The following SHLD2 variants were observed in gnomAD, a reference collection of about 807,000 sequenced individuals.
SHLD2 encodes shieldin complex subunit 2, also known as RINN1-REV7-interacting novel NHEJ regulator 2.
A neutral mutation model predicts 73.2 loss-of-function variants in SHLD2; 30 were observed. The ratio of observed to expected loss-of-function variants is 0.41; its 90% CI spans 0.31 to 0.56. SHLD2 has a LOEUF of 0.56. Among genes scored for constraint, SHLD2 ranks in the 20% least tolerant of loss-of-function variants. The pLI is 0.28. For missense variants in SHLD2, 745 were observed against 1,055.9 expected (o/e 0.71, Z 4.08); for synonymous variants, 285 against 370.1 (o/e 0.77, Z 2.64).
chr10:87,094,625 C>T (rs1370163897), upstream of SHLD2: 2 of 1,609,154 alleles, frequency 1.2e-6, no homozygotes, highest in African/African-American at 2.7e-5. This position sits in a 1 kb window ranked among gnomAD's most constrained non-coding sequence, Gnocchi z 6.6. Context: ...TGGCGCCGGG[C>T]GGCCAATGCC....
intron 2 of SHLD2, among the ~76,000 whole-genome samples, chr10:87,111,585 G>A (rs1346717434): frequency 1.3e-5 from 2 of 148,700 alleles, no homozygotes; most frequent in African/African-American, 5.0e-5. Flanking sequence ...AGGTTGCAGT[G>A]AGCTGAGACC....
intron 9 of SHLD2, 71 bp downstream of exon 9, chr10:87,187,271 G>A: frequency 2.2e-6 from 2 of 923,434 alleles, no homozygotes; most frequent in Admixed American, 3.5e-5. Context: ...AACAGAAAGA[G>A]CACTGTACTT....
chr10:87,167,787 G>A (rs1847306517), intron 4 of SHLD2, among the ~76,000 whole-genome samples: 1 of 152,102 alleles, frequency 6.6e-6, no homozygotes, highest in South Asian at 2.1e-4. Context: ...TGGGACTACA[G>A]GTGCATGCCC....
At chr10:87,162,666 C>G (rs1212150751) in intron 4 of SHLD2, among the ~76,000 whole-genome samples, 2 of 151,898 alleles carry the variant, frequency 1.3e-5, no homozygotes, top group Non-Finnish European at 2.9e-5. Context: ...TGCACTCTAG[C>G]CTGGCAAAAG....
chr10:87,134,243 G>A (rs967260403), intron 2 of SHLD2, among the ~76,000 whole-genome samples: 3 of 152,146 alleles, frequency 2.0e-5, no homozygotes, highest in African/African-American at 7.2e-5. Context: ...AGGATAAGAA[G>A]TACGGTTTCT....
At chr10:87,172,816 A>G (rs1243064874) in intron 6 of SHLD2, among the ~76,000 whole-genome samples, 25 of 152,090 alleles carry the variant, frequency 1.6e-4, no homozygotes, top group Non-Finnish European at 8.8e-5. Context: ...AAATGTATCT[A>G]TAAGTACATA....
intron 4 of SHLD2, among the ~76,000 whole-genome samples, chr10:87,165,349 A>G (rs1469125690): frequency 6.6e-6 from 1 of 152,194 alleles, no homozygotes; most frequent in African/African-American, 2.4e-5. Flanking sequence ...GTATCTCCCC[A>G]AGATACCAGC....
At chr10:87,144,648 A>G (rs1443347371) in intron 2 of SHLD2, among the ~76,000 whole-genome samples, 3 of 77,466 alleles carry the variant, frequency 3.9e-5, no homozygotes, top group African/African-American at 1.6e-4. Flanking sequence ...TTTTTTTGAG[A>G]TGGTGTCTCG....
chr10:87,162,924 T>C (rs1486942065), intron 4 of SHLD2, among the ~76,000 whole-genome samples: 1 of 152,172 alleles, frequency 6.6e-6, no homozygotes, highest in African/African-American at 2.4e-5. Context: ...TGGCAATATC[T>C]AACAAAATTA....
chr10:87,113,598 T>C (rs1443830726), intron 2 of SHLD2, among the ~76,000 whole-genome samples: 1 of 152,214 alleles, frequency 6.6e-6, no homozygotes, highest in African/African-American at 2.4e-5. Flanking sequence ...GGTATGGGGT[T>C]CTTTTTAGGT....
intron 2 of SHLD2, among the ~76,000 whole-genome samples, chr10:87,100,453 C>G (rs1050596686): frequency 6.6e-6 from 1 of 151,258 alleles, no homozygotes; most frequent in South Asian, 2.1e-4. Flanking sequence ...ATCCTTATAT[C>G]AGTATACATT....
At chr10:87,176,692 G>A (rs1315045144) in intron 7 of SHLD2, among the ~76,000 whole-genome samples, 1 of 152,128 alleles carries the variant, frequency 6.6e-6, no homozygotes, top group Non-Finnish European at 1.5e-5. Context: ...TTACTAGTTG[G>A]GTTAATTCAC....
chr10:87,174,935 G>A (rs2134635326), intron 6 of SHLD2, among the ~76,000 whole-genome samples: 1 of 152,072 alleles, frequency 6.6e-6, no homozygotes, highest in East Asian at 1.9e-4. Context: ...CTAACACGGT[G>A]AAACCCCGTC....
At chr10:87,110,859 T>C (rs1002607201) in intron 2 of SHLD2, among the ~76,000 whole-genome samples, 5 of 151,964 alleles carry the variant, frequency 3.3e-5, no homozygotes, top group African/African-American at 1.2e-4. Flanking sequence ...TTTTTTTTTT[T>C]GGTGAGATGG....
chr10:87,128,652 C>T (rs867864777), intron 2 of SHLD2, among the ~76,000 whole-genome samples: 4 of 152,146 alleles, frequency 2.6e-5, no homozygotes, highest in African/African-American at 9.7e-5. Flanking sequence ...TGATTTTGCT[C>T]CATTGTCTTC....
intron 2 of SHLD2, among the ~76,000 whole-genome samples, chr10:87,102,584 C>T (rs940198883): frequency 2.0e-5 from 3 of 152,098 alleles, no homozygotes; most frequent in Admixed American, 1.3e-4. Context: ...TGGTGCGTGC[C>T]TGTAATCCCA....
At chr10:87,111,958 C>A (rs1842951361) in intron 2 of SHLD2, among the ~76,000 whole-genome samples, 1 of 151,980 alleles carries the variant, frequency 6.6e-6, no homozygotes, top group Non-Finnish European at 1.5e-5. Context: ...AATGGGCAGG[C>A]CAGGTGCGGT....
At chr10:87,144,937 C>CTTTT (rs1178507966) in intron 2 of SHLD2, among the ~76,000 whole-genome samples, 7 of 72,018 alleles carry the variant, frequency 9.7e-5, no homozygotes, top group African/African-American at 1.3e-4. Context: ...GCCTGTAATT[C>CTTTT]TTTTTTTTTT....
chr10:87,140,832 C>T (rs1341542478), intron 2 of SHLD2, among the ~76,000 whole-genome samples: 3 of 151,864 alleles, frequency 2.0e-5, no homozygotes, highest in Non-Finnish European at 4.4e-5. Context: ...AAAAGTTAGC[C>T]AGGCATGGTG....
Sources: gnomAD v4.1 joint callset for allele counts (sites outside exome capture counted in the v4.1 genomes callset) on GRCh38, gnomAD v4.1.1 for gene constraint, Gnocchi (gnomAD v3.1) non-coding constraint, MANE v1.5 for transcripts, NCBI Gene and HGNC (gene_info 2026-07-23, HGNC 2026-07-21) for gene names.